The following PCDHA4 variants were observed in gnomAD, a reference collection of about 807,000 sequenced individuals.
PCDHA4 encodes protocadherin alpha-4.
PCDHA4 carries 49 observed loss-of-function variants against 61.4 expected under a neutral mutation model. The ratio of observed to expected loss-of-function variants is 0.80; its 90% CI spans 0.63 to 1.01. The LOEUF is 1.01. Among genes scored for constraint, PCDHA4 ranks in the 50% least tolerant of loss-of-function variants. The probability of loss-of-function intolerance (pLI) is 0.00; values close to 1 mark genes in which losing one functional copy is unlikely to be tolerated. For synonymous variants in PCDHA4, 590 were observed against 550.3 expected (o/e 1.07, Z -1.01); for missense variants, 1,254 against 1,235.8 (o/e 1.01, Z -0.22).
intron 1 of PCDHA4, chr5:140,927,497 T>A: frequency 6.2e-7 from 1 of 1,614,094 alleles, no homozygotes; most frequent in Non-Finnish European, 8.5e-7. Flanking sequence ...CACCTGCTGG[T>A]GCTTACAGCT....
chr5:140,969,028 A>G (rs1554231371), intron 1 of PCDHA4: 1 of 1,614,208 alleles, frequency 6.2e-7, no homozygotes, highest in Non-Finnish European at 8.5e-7. Context: ...GGTCCCCTGC[A>G]GAACTGTACA....
intron 1 of PCDHA4, chr5:140,928,743 G>C: frequency 6.2e-7 from 1 of 1,614,138 alleles, no homozygotes; most frequent in Non-Finnish European, 8.5e-7. Context: ...ATATAGGTGA[G>C]CTCCGTACTG....
chr5:140,947,760 A>G (rs1332466215), intron 1 of PCDHA4, among the ~76,000 whole-genome samples: 1 of 151,618 alleles, frequency 6.6e-6, no homozygotes, highest in Admixed American at 6.6e-5. Context: ...TTATGGTTTA[A>G]AAAATTCTAT....
intron 1 of PCDHA4, chr5:140,852,195 C>A: frequency 2.8e-6 from 2 of 709,280 alleles, no homozygotes; most frequent in African/African-American, 1.9e-5. Context: ...ATGCCAGTAA[C>A]GTTTATTTAA....
At chr5:140,942,927 A>T (rs914550511) in intron 1 of PCDHA4, among the ~76,000 whole-genome samples, 2 of 152,104 alleles carry the variant, frequency 1.3e-5, no homozygotes, top group Non-Finnish European at 2.9e-5. Flanking sequence ...AAAAAAATTG[A>T]AAAAGAGTTT....
chr5:140,851,389 TCTATTATTTTAATAA>T, intron 1 of PCDHA4: 2 of 974,212 alleles, frequency 2.1e-6, no homozygotes, highest in Non-Finnish European at 2.5e-6. Flanking sequence ...ACCTTCAGTA[TCTATTATTTTAATAA>T]GAAAGAAACT....
chr5:140,946,092 G>A (rs985293430), intron 1 of PCDHA4, among the ~76,000 whole-genome samples: 2 of 151,914 alleles, frequency 1.3e-5, no homozygotes, highest in Non-Finnish European at 2.9e-5. Flanking sequence ...CTGATAAGGA[G>A]TTAACATACC....
intron 1 of PCDHA4, among the ~76,000 whole-genome samples, chr5:140,944,386 T>C (rs1228891284): frequency 6.6e-6 from 1 of 152,054 alleles, no homozygotes; most frequent in Admixed American, 6.6e-5. Flanking sequence ...GGAGTCTCAC[T>C]GTGTTATCCA....
chr5:140,813,253 A>G (rs1210796090), intron 1 of PCDHA4: 1 of 152,342 alleles, frequency 6.6e-6, no homozygotes, highest in East Asian at 1.9e-4. Context: ...ATCTCCTACT[A>G]CAGTCATTGG....
chr5:140,941,231 C>CTT (rs1554214107), intron 1 of PCDHA4, among the ~76,000 whole-genome samples: 1 of 136,770 alleles, frequency 7.3e-6, no homozygotes, highest in African/African-American at 2.8e-5. Context: ...TTCTTTCTTT[C>CTT]TTTCTTTCTT....
At position 140,869,273 on chromosome 5, in the gene PCDHA4, C is replaced by A. The variant is rs782135758; in HGVS notation, c.2385+59701C>A. 1.9e-6 allele frequency: 3 copies of A among 1,613,438 alleles called. No homozygotes were observed. Among genetic ancestry groups the A allele is most frequent in the African/African-American group, 2.7e-5 (2 of 74,920 alleles). On this transcript the variant is annotated intron_variant, in intron 1 of 3. Transcript: ENST00000530339. ...GCGCAGGACCTGGGGCTGGAGCTGG[C>A]GGAGCTGGTGCAGCGCCTGTTCCGG...
rs1479921830 is a variant in PCDHA4 at position 140,876,971 on chromosome 5, G to A, written c.2385+67399G>A. The A allele has an allele frequency of 1.9e-6, 3 of 1,612,696 alleles. No homozygotes were observed. In the African/African-American group the frequency reaches 4.0e-5, roughly 22 times the overall value. On this transcript the variant is annotated intron_variant, in intron 1 of 3. Coordinates refer to ENST00000530339, the MANE Select transcript of PCDHA4 (RefSeq NM_018907.4). ...TACTCGCTGGTGGAGCGGCGGGTGG[G>A]CGAGCACGCACTGTCGAGCTACGTG...
In PCDHA4 at chr5:140,868,996, G is replaced by A. The variant is rs2050789342; in HGVS notation, c.2385+59424G>A. ...CATCATACCGGATGCCACCGTTTAA[G>A]GATCCTTTGAAACTTCTTAAGAATT... is the stretch of plus-strand genomic sequence containing the variant. On this transcript the variant is annotated intron_variant, in intron 1 of 3. Transcript: ENST00000530339. The A allele has an allele frequency of 2.6e-6, 4 of 1,516,490 alleles. No individual in the cohort carries two copies. The African/African-American group carries it at 4.2e-5, about 16-fold the overall frequency. 93.9% of individuals were successfully genotyped at this position (1,516,490 alleles called of 1,614,324 possible).
In PCDHA4 at chr5:140,884,156, G is replaced by C. The variant is rs1554181298; in HGVS notation, c.2385+74584G>C. 1 of 1,613,448 alleles carries C rather than the reference G, an allele frequency of 6.2e-7. No homozygotes were observed. Among genetic ancestry groups the C allele is most frequent in the Admixed American group, 1.7e-5 (1 of 60,012 alleles). On this transcript the variant is annotated intron_variant, in intron 1 of 3. Transcript: ENST00000530339. ...GTTCCGCGTGGGGCTGTACACTGGC[G>C]AGATCAGCACGACGCGCCCTCTGGA...
chr5:140,881,376 C>T (rs1487314933), intron 1 of PCDHA4: 2 of 984,636 alleles, frequency 2.0e-6, no homozygotes, highest in South Asian at 4.7e-5. Context: ...GAATTGCAGC[C>T]GGCGGCGGTA....
intron 1 of PCDHA4, among the ~76,000 whole-genome samples, chr5:140,888,046 A>G (rs2061675850): frequency 6.6e-6 from 1 of 152,214 alleles, no homozygotes; most frequent in South Asian, 2.1e-4. Flanking sequence ...CATGTATAAT[A>G]GATGTTTTAA....
intron 3 of PCDHA4, among the ~76,000 whole-genome samples, chr5:141,000,481 G>A (rs1475922134): frequency 1.5e-5 from 2 of 133,428 alleles, no homozygotes; most frequent in African/African-American, 2.8e-5. Context: ...AAGCTGGAGT[G>A]CAATGGTAAG....
chr5:140,921,440 G>C (rs1026829665), intron 1 of PCDHA4, among the ~76,000 whole-genome samples: 1 of 152,056 alleles, frequency 6.6e-6, no homozygotes, highest in South Asian at 2.1e-4. Flanking sequence ...CTTCAATGGT[G>C]TCTGAAAAGG....
intron 3 of PCDHA4, among the ~76,000 whole-genome samples, chr5:141,005,884 T>A (rs1554260408): frequency 6.6e-6 from 1 of 151,744 alleles, no homozygotes; most frequent in Non-Finnish European, 1.5e-5. Context: ...GAGTTTGAGG[T>A]TACATCAAGC....
Sources: allele counts gnomAD v4.1 joint callset (sites outside exome capture counted in the v4.1 genomes callset), GRCh38; gene constraint gnomAD v4.1.1; transcripts MANE v1.5; gene names NCBI Gene and HGNC (gene_info 2026-07-23, HGNC 2026-07-21).